FRMPD4: variants seen among roughly 807,000 people sequenced by gnomAD.
The protein encoded by FRMPD4 is FERM and PDZ domain-containing protein 4.
FRMPD4 carries 22 observed loss-of-function variants against 94.1 expected under a neutral mutation model. The observed-to-expected ratio is 0.23, with a 90% CI of 0.17 to 0.33. The LOEUF is 0.33. Ranked by LOEUF, FRMPD4 falls within the 10% of genes least tolerant of loss-of-function variation. The pLI, the probability that FRMPD4 is intolerant of heterozygous loss-of-function variation, is 1.00. For missense variants in FRMPD4, 1,111 were observed against 1,339.9 expected (o/e 0.83, Z 2.67); for synonymous variants, 631 against 548.6 (o/e 1.15, Z -2.10).
At chrX:12,562,751 G>A (rs2148348761) in intron 2 of FRMPD4, among the ~76,000 whole-genome samples, 1 of 112,426 alleles carries the variant, frequency 8.9e-6, no homozygotes, top group South Asian at 3.7e-4. Context: ...GCTTGTATAG[G>A]CAGAGACAAA....
At chrX:12,559,017 T>C (rs1299345537) in intron 2 of FRMPD4, among the ~76,000 whole-genome samples, 1 of 112,418 alleles carries the variant, frequency 8.9e-6, no homozygotes, top group African/African-American at 3.2e-5. Context: ...AGGAATCAGT[T>C]AAGTGTCAGA....
At chrX:12,336,216 T>C (rs183570398) in intron 1 of FRMPD4, among the ~76,000 whole-genome samples, 47 of 111,892 alleles carry the variant, frequency 4.2e-4, no homozygotes, top group African/African-American at 1.5e-3. Context: ...TAGCTCCCTC[T>C]GAGGTAGCCA....
At chrX:12,500,163 G>T (rs1475261677) in intron 2 of FRMPD4, among the ~76,000 whole-genome samples, 1 of 111,231 alleles carries the variant, frequency 9.0e-6, no homozygotes. Flanking sequence ...AGGAAGTGTG[G>T]TTGGGTCTAT....
intron 1 of FRMPD4, among the ~76,000 whole-genome samples, chrX:12,250,072 T>TTGTG (rs72178576): frequency 0.031 from 2,820 of 91,377 alleles, 82 homozygotes; most frequent in East Asian, 0.089. Context: ...GTTTGTGTGT[T>TTGTG]TGTGTGTGTG....
intron 1 of FRMPD4, among the ~76,000 whole-genome samples, chrX:12,169,113 G>C (rs2056177396): frequency 8.9e-6 from 1 of 112,171 alleles, no homozygotes; most frequent in Admixed American, 9.4e-5. Flanking sequence ...AAATAGGCTA[G>C]ACATATGTAT....
At chrX:12,536,781 A>G (rs926908642) in intron 2 of FRMPD4, among the ~76,000 whole-genome samples, 5 of 111,541 alleles carry the variant, frequency 4.5e-5, no homozygotes, top group Non-Finnish European at 7.5e-5. Flanking sequence ...CTCTGTAAAC[A>G]GATGCTAGGA....
intron 3 of FRMPD4, among the ~76,000 whole-genome samples, chrX:12,047,101 GTATATATGGTTA>G (rs764764986): frequency 8.6e-4 from 94 of 108,780 alleles, no homozygotes; most frequent in East Asian, 3.2e-3. Context: ...ATATAGTTGT[GTATATATGGTTA>G]TATATATGGT....
intron 3 of FRMPD4, among the ~76,000 whole-genome samples, chrX:11,886,259 A>C (rs151053161): frequency 1.2e-3 from 135 of 112,247 alleles, no homozygotes; most frequent in African/African-American, 4.2e-3. Flanking sequence ...AAGTTTTTGA[A>C]GATTTTTAAG....
chrX:12,671,922 A>G (rs1419319459), intron 4 of FRMPD4, among the ~76,000 whole-genome samples: 3 of 111,477 alleles, frequency 2.7e-5, no homozygotes, highest in African/African-American at 9.8e-5. Context: ...ACAGGTTCAG[A>G]AAGTTATCCA....
chrX:12,231,029 A>AGT (rs1569199742), intron 1 of FRMPD4, among the ~76,000 whole-genome samples: 8 of 40,643 alleles, frequency 2.0e-4, no homozygotes, highest in African/African-American at 7.5e-4. Flanking sequence ...GTATATATAT[A>AGT]GTATATATAT....
At chrX:12,301,718 A>G (rs1355708442) in intron 1 of FRMPD4, among the ~76,000 whole-genome samples, 2 of 112,592 alleles carry the variant, frequency 1.8e-5, no homozygotes, top group African/African-American at 3.2e-5. Context: ...AGTGATGACC[A>G]TATAGTAAAC....
intron 1 of FRMPD4, among the ~76,000 whole-genome samples, chrX:12,453,913 G>A (rs1445403524): frequency 2.7e-5 from 3 of 112,040 alleles, no homozygotes; most frequent in Admixed American, 1.9e-4. Flanking sequence ...CAAACCAAAA[G>A]GTTGACATTC....
chrX:12,132,555 A>T (rs1391843887), intron 3 of FRMPD4, among the ~76,000 whole-genome samples: 1 of 111,858 alleles, frequency 8.9e-6, no homozygotes, highest in Admixed American at 9.5e-5. Flanking sequence ...TTCTAGCTCA[A>T]CCCTGGGCCA....
chrX:12,632,184 C>G (rs1483993690), intron 4 of FRMPD4, among the ~76,000 whole-genome samples: 1 of 111,973 alleles, frequency 8.9e-6, no homozygotes, highest in South Asian at 3.7e-4. Flanking sequence ...CCTTAAGATG[C>G]AGAGATGTGG....
intron 5 of FRMPD4, among the ~76,000 whole-genome samples, chrX:12,680,189 C>T (rs2059953906): frequency 1.8e-5 from 2 of 112,017 alleles, no homozygotes; most frequent in South Asian, 7.5e-4. Flanking sequence ...GCCATCTTAG[C>T]AACAGCAAAT....
At chrX:12,096,767 G>C (rs1452666423) in intron 3 of FRMPD4, among the ~76,000 whole-genome samples, 1 of 111,207 alleles carries the variant, frequency 9.0e-6, no homozygotes, top group Non-Finnish European at 1.9e-5. Context: ...TGCACCTATA[G>C]TCCTAGCTGC....
At chrX:12,561,682 A>G (rs966574834) in intron 2 of FRMPD4, among the ~76,000 whole-genome samples, 6 of 112,345 alleles carry the variant, frequency 5.3e-5, no homozygotes, top group Non-Finnish European at 1.1e-4. Flanking sequence ...TGAATAAGGG[A>G]TCGTTACAAT....
At chrX:12,238,418 C>T (rs2057095360) in intron 1 of FRMPD4, among the ~76,000 whole-genome samples, 1 of 111,972 alleles carries the variant, frequency 8.9e-6, no homozygotes, top group African/African-American at 3.2e-5. Flanking sequence ...GGATTACAGA[C>T]ATGAGCCACC....
At chrX:12,639,666 C>G (rs2059475882) in intron 4 of FRMPD4, among the ~76,000 whole-genome samples, 2 of 112,049 alleles carry the variant, frequency 1.8e-5, no homozygotes, top group Non-Finnish European at 3.8e-5. Flanking sequence ...TATTGTTTTG[C>G]CAGTATAATT....
Sources: gnomAD v4.1 joint callset for allele counts (sites outside exome capture counted in the v4.1 genomes callset) on GRCh38, gnomAD v4.1.1 for gene constraint, MANE v1.5 for transcripts, NCBI Gene and HGNC (gene_info 2026-07-23, HGNC 2026-07-21) for gene names.